Variants in FAM120A observed in about 807,000 individuals in gnomAD.
FAM120A encodes family with sequence similarity 120 member A, also known as constitutive coactivator of PPAR-gamma-like protein 1.
A neutral mutation model predicts 109.7 loss-of-function variants in FAM120A; 15 were observed. The observed-to-expected ratio is 0.14, with a 90% CI of 0.09 to 0.21. FAM120A has a LOEUF of 0.21. FAM120A is among the 10% of genes least tolerant of loss of function. The pLI, the probability that FAM120A is intolerant of heterozygous loss-of-function variation, is 1.00. For synonymous variants in FAM120A, 493 were observed against 572.8 expected (o/e 0.86, Z 1.99); for missense variants, 899 against 1,439.3 (o/e 0.62, Z 6.07).
In FAM120A at chr9:93,516,216, C is replaced by T. The variant is rs987274901; in HGVS notation, c.1365C>T (p.Gly455=). ...ACGTGGATTCCGCCTACTTCCCTGG[C>T]TCTTCTACATCGTCATCTTCCGACA... ...PNHVDSAYFP[G]SSTSSSSDND... Residue 455 remains glycine (G), a synonymous_variant, in exon 7 of 18, where the codon GGC becomes GGT. Transcript: ENST00000277165. 1 of 1,613,954 alleles carries T rather than the reference C, an allele frequency of 6.2e-7. No homozygotes were observed. Among genetic ancestry groups the T allele is most frequent in the East Asian group, 2.2e-5 (1 of 44,864 alleles).
Position 93,452,923 on chromosome 9 carries a change from C to G in FAM120A, c.474+534C>G. 1 of 1,424,788 alleles carries G rather than the reference C, an allele frequency of 7.0e-7. No individual in the cohort carries two copies. The highest frequency in any genetic ancestry group is 1.5e-5 in the South Asian group (1 of 65,922). 88.3% of individuals were successfully genotyped at this position (1,424,788 alleles called of 1,614,324 possible). On this transcript the variant is annotated intron_variant, in intron 1 of 17. Coordinates refer to ENST00000277165, the MANE Select transcript of FAM120A (RefSeq NM_014612.5). This position sits in a 1 kb window ranked among gnomAD's most constrained non-coding sequence, Gnocchi z 7.0. ...TGTTGTTAGCCCGGTGACAGCGAGA[C>G]GTGTCTAAGGGCCAGTGCCCTGGCC...
At chr9:93,473,455 G>T (rs1193585526) in intron 2 of FAM120A, among the ~76,000 whole-genome samples, 1 of 151,966 alleles carries the variant, frequency 6.6e-6, no homozygotes, top group Non-Finnish European at 1.5e-5. Flanking sequence ...ACAGGTGCAT[G>T]CCACCACATC....
chr9:93,510,190 C>T (rs1479765133), intron 5 of FAM120A, among the ~76,000 whole-genome samples: 2 of 152,166 alleles, frequency 1.3e-5, no homozygotes, highest in African/African-American at 4.8e-5. Flanking sequence ...TTGCTTTCAG[C>T]GTCTGCTCTG....
chr9:93,459,452 G>A (rs34561852), intron 1 of FAM120A, among the ~76,000 whole-genome samples: 5,042 of 151,920 alleles, frequency 0.033, 116 homozygotes, highest in Middle Eastern at 0.089. Context: ...TCTCTTTTCT[G>A]ACTGGTTCCC....
At position 93,550,687 on chromosome 9, in the gene FAM120A, T is replaced by C; in HGVS notation, c.2270T>C (p.Leu757Pro). 6.2e-7 allele frequency: 1 copy of C among 1,613,036 alleles called. No homozygotes were observed. The highest frequency in any genetic ancestry group is 1.6e-4 in the Middle Eastern group (1 of 6,062). Reference protein sequence around the residue: ...KLYEPDQLQELKIENLDPRGI... With the variant: ...KLYEPDQLQEPKIENLDPRGI... ...TACGAGCCTGATCAGCTCCAGGAGC[T>C]CAAGGTAATTTATCAGCCTCATTGC... Residue 757 changes from leucine (L) to proline (P), a missense_variant, in exon 12 of 18, where the codon CTC (leucine) becomes CCC (proline). This residue lies in a region of FAM120A where 52 missense variants were observed against 49.7 expected (regional missense o/e 1.05). Coordinates refer to ENST00000277165, the MANE Select transcript of FAM120A (RefSeq NM_014612.5).
intron 8 of FAM120A, among the ~76,000 whole-genome samples, chr9:93,528,523 A>G (rs1035933449): frequency 2.6e-5 from 4 of 152,178 alleles, no homozygotes; most frequent in African/African-American, 7.2e-5. Flanking sequence ...CCTTAGTTCT[A>G]CTGCCTCGCA....
At chr9:93,482,160 AAGAAAACTTTT>A (rs1858841706) in intron 3 of FAM120A, among the ~76,000 whole-genome samples, 1 of 151,604 alleles carries the variant, frequency 6.6e-6, no homozygotes, top group Non-Finnish European at 1.5e-5. Flanking sequence ...AGGCTGTATC[AAGAAAACTTTT>A]AGATTCACCT....
Position 93,451,893 on chromosome 9 carries a change from G to GCGCCCGCGCCCC in FAM120A, c.-18_-7dup. 9.9e-7 allele frequency: 1 copy of GCGCCCGCGCCCC among 1,015,066 alleles called. No individual in the cohort carries two copies. The highest frequency in any genetic ancestry group is 1.2e-6 in the Non-Finnish European group (1 of 823,390). The allele number at this position is 1,015,066 out of a possible 1,614,324, so 62.9% of individuals were successfully genotyped here. On this transcript the variant is annotated 5_prime_UTR_variant, in exon 1 of 18. Transcript: ENST00000277165. ...GCCCCGCCGCCCCCCGCCCGCACCC[G>GCGCCCGCGCCCC]CGCCCGCGCCCCCGCCGCCGCCATG...
intron 2 of FAM120A, among the ~76,000 whole-genome samples, chr9:93,473,957 C>G (rs192601764): frequency 5.9e-5 from 9 of 152,238 alleles, no homozygotes; most frequent in Admixed American, 3.3e-4. Flanking sequence ...ATATGGATGC[C>G]TTAGCTCATT....
chr9:93,523,036 A>G (rs1363349007), intron 7 of FAM120A, among the ~76,000 whole-genome samples: 1 of 152,212 alleles, frequency 6.6e-6, no homozygotes, highest in Non-Finnish European at 1.5e-5. Context: ...TGTGCGTGAC[A>G]GGTTTGCTGA....
chr9:93,561,141 C>T lies in FAM120A; in HGVS notation c.2839C>T (p.Leu947=). 1 of 1,613,846 alleles carries T rather than the reference C, an allele frequency of 6.2e-7. No homozygotes were observed. Among genetic ancestry groups the T allele is most frequent in the South Asian group, 1.1e-5 (1 of 91,072 alleles). Reference sequence around the variant, plus strand: ...ACCTATACCTTCTCAGGGAGGCAAACTAGAAATAGCTGGCACTGTGGTTGG... The same window carrying T: ...ACCTATACCTTCTCAGGGAGGCAAATTAGAAATAGCTGGCACTGTGGTTGG... ...VQPIPSQGGK[L]EIAGTVVGHW... is the part of the protein sequence containing the mutation. The change falls in exon 16 of 18, where the codon CTA becomes TTA. Residue 947 remains leucine, a synonymous_variant. Coordinates refer to ENST00000277165, the MANE Select transcript of FAM120A (RefSeq NM_014612.5).
intron 8 of FAM120A, among the ~76,000 whole-genome samples, chr9:93,528,908 C>T (rs1861203823): frequency 6.6e-6 from 1 of 152,168 alleles, no homozygotes; most frequent in Non-Finnish European, 1.5e-5. Context: ...GTTCAGACTG[C>T]ACAGCCTCTT....
intron 1 of FAM120A, chr9:93,453,470 C>T (rs910445240): frequency 2.0e-6 from 2 of 985,482 alleles, no homozygotes; most frequent in Non-Finnish European, 2.4e-6. Flanking sequence ...GACACTCGGT[C>T]TTCCATCTTG....
At chr9:93,495,042 C>G (rs1415915706) in intron 3 of FAM120A, among the ~76,000 whole-genome samples, 1 of 152,216 alleles carries the variant, frequency 6.6e-6, no homozygotes, top group Non-Finnish European at 1.5e-5. Flanking sequence ...CCACTAGTCC[C>G]ATGATTCTGT....
chr9:93,505,590 A>G (rs982939246), intron 5 of FAM120A, among the ~76,000 whole-genome samples: 1 of 152,142 alleles, frequency 6.6e-6, no homozygotes, highest in Non-Finnish European at 1.5e-5. Flanking sequence ...GTATTTATGG[A>G]TGAAATGATG....
intron 11 of FAM120A, among the ~76,000 whole-genome samples, chr9:93,549,083 C>T (rs1355723434): frequency 6.6e-6 from 1 of 152,042 alleles, no homozygotes; most frequent in African/African-American, 2.4e-5. Context: ...AAAACCAAAC[C>T]TCAGTAAGAC....
At chr9:93,533,456 A>T (rs1009329113) in intron 10 of FAM120A, among the ~76,000 whole-genome samples, 1 of 152,210 alleles carries the variant, frequency 6.6e-6, no homozygotes, top group Non-Finnish European at 1.5e-5. Context: ...CTCGCTCTGC[A>T]GGGCTGTGAG....
At chr9:93,559,654 C>T (rs991443745) in intron 15 of FAM120A, among the ~76,000 whole-genome samples, 1 of 152,212 alleles carries the variant, frequency 6.6e-6, no homozygotes, top group Non-Finnish European at 1.5e-5. Flanking sequence ...TGTGACTGCT[C>T]CTCATGCAGC....
chr9:93,552,557 AAGGC>A (rs146095698), intron 12 of FAM120A, among the ~76,000 whole-genome samples: 3,613 of 152,234 alleles, frequency 0.024, 150 homozygotes, highest in African/African-American at 0.082. Context: ...TTGGGGGGGA[AAGGC>A]AGTTATTTGC....
Sources: allele counts gnomAD v4.1 joint callset (sites outside exome capture counted in the v4.1 genomes callset), GRCh38; gene constraint gnomAD v4.1.1; regional missense constraint gnomAD v4.1.1; non-coding constraint Gnocchi (gnomAD v3.1); transcripts MANE v1.5; gene names NCBI Gene and HGNC (gene_info 2026-07-23, HGNC 2026-07-21).